The following RASGEF1A variants were observed in gnomAD, a reference collection of about 807,000 sequenced individuals.
RASGEF1A encodes RasGEF domain family member 1A, also known as ras-GEF domain-containing family member 1A.
In RASGEF1A, 18 loss-of-function variants were observed where a neutral mutation model predicts 56.4. That is an observed-to-expected ratio of 0.32 (90% confidence interval 0.22 to 0.47). The LOEUF is 0.47. Among genes scored for constraint, RASGEF1A ranks in the 20% least tolerant of loss-of-function variants. The probability of loss-of-function intolerance (pLI) is 1.00; values close to 1 mark genes in which losing one functional copy is unlikely to be tolerated. For missense variants in RASGEF1A, 422 were observed against 627.1 expected (o/e 0.67, Z 3.49); for synonymous variants, 245 against 242.6 (o/e 1.01, Z -0.09).
intron 1 of RASGEF1A, among the ~76,000 whole-genome samples, chr10:43,224,669 G>A (rs1385051511): frequency 1.3e-5 from 2 of 152,128 alleles, no homozygotes; most frequent in Non-Finnish European, 2.9e-5. Context: ...AACATGAAAA[G>A]CCTCCTCATT....
chr10:43,264,250 G>A (rs900190704), intron 1 of RASGEF1A, among the ~76,000 whole-genome samples: 1 of 151,656 alleles, frequency 6.6e-6, no homozygotes, highest in Non-Finnish European at 1.5e-5. Flanking sequence ...CCGGCCCAGA[G>A]CCCACTCTCA....
chr10:43,229,699 A>G, intron 1 of RASGEF1A: 1 of 1,433,130 alleles, frequency 7.0e-7, no homozygotes, highest in South Asian at 1.4e-5. Context: ...TCCGGCGTCC[A>G]GCGAGCGGCG....
Position 43,199,083 on chromosome 10 carries a change from G to C in RASGEF1A, c.952+9C>G, listed in dbSNP as rs753867128. On this transcript the variant is annotated intron_variant, in intron 8 of 12. Transcript: ENST00000395810. Reference sequence around the variant, plus strand: ...GCAGCAGCCCCACCCTGGGTGCCCAGTCACTCACAGATGATGGCCATCATG... The same window carrying C: ...GCAGCAGCCCCACCCTGGGTGCCCACTCACTCACAGATGATGGCCATCATG... 10 of 1,613,270 alleles carry C rather than the reference G, an allele frequency of 6.2e-6. No individual in the cohort carries two copies. The Admixed American group carries it at 1.0e-4, about 16-fold the overall frequency.
chr10:43,228,258 C>T (rs117675016), intron 1 of RASGEF1A, among the ~76,000 whole-genome samples: 282 of 152,348 alleles, frequency 1.9e-3, no homozygotes, highest in Admixed American at 5.8e-3. Context: ...TAGCTCCCTC[C>T]CTCCCCTCCT....
chr10:43,203,416 G>A lies in RASGEF1A; in HGVS notation c.203C>T (p.Thr68Met). ...GCTCAGGAGAAAGGTGAAGATGTAC[G>A]TCCTCTGAAGGCAGGAGACGGAGAG... ...VPTVDYYPDR[T>M]YIFTFLLSSR... The change falls in exon 3 of 13, where the codon ACG (threonine) becomes ATG (methionine). Residue 68 changes from threonine to methionine, a missense_variant. Around this residue, in one of 2 missense-constraint regions of RASGEF1A, gnomAD observed 273 missense variants for 339.9 expected, o/e 0.80. Transcript: ENST00000395810. 1 of 1,558,714 alleles carries A rather than the reference G, an allele frequency of 6.4e-7. No homozygotes were observed. Among genetic ancestry groups the A allele is most frequent in the Non-Finnish European group, 8.7e-7 (1 of 1,149,244 alleles).
chr10:43,205,828 C>CCA (rs1839986204), intron 2 of RASGEF1A, 91 bp downstream of exon 2: 2 of 1,091,984 alleles, frequency 1.8e-6, no homozygotes, highest in Non-Finnish European at 2.7e-6. Context: ...TCCAGCTCTA[C>CCA]CACTCTGTGG....
rs950717385 is a variant in RASGEF1A at position 43,206,058 on chromosome 10, A to C, written c.59T>G (p.Val20Gly). 1.1e-5 allele frequency: 18 copies of C among 1,607,324 alleles called. No individual in the cohort carries two copies. The highest frequency in any genetic ancestry group is 1.5e-5 in the Non-Finnish European group (18 of 1,177,466). ...TCCACGCTCCCCCATGCCAGGCTGCACCTGTCCGCTACAGCTGGGCCCAAG... is the reference window on the plus strand; with the variant it reads ...TCCACGCTCCCCCATGCCAGGCTGCCCCTGTCCGCTACAGCTGGGCCCAAG... ...SILGPSCSGQ[V>G]QPGMGERGGG... Residue 20 changes from valine to glycine, a missense_variant, in exon 2 of 13, where the codon GTG (valine) becomes GGG (glycine). Coordinates refer to ENST00000395810, the MANE Select transcript of RASGEF1A (RefSeq NM_145313.4).
intron 2 of RASGEF1A, among the ~76,000 whole-genome samples, chr10:43,204,946 C>T (rs1367401360): frequency 1.3e-5 from 2 of 152,230 alleles, no homozygotes; most frequent in African/African-American, 2.4e-5. Flanking sequence ...ATCTCCAGCC[C>T]CAGCCAAACC....
rs527443625 is a variant in RASGEF1A, at chr10:43,245,872, G to A, written c.-7+20973C>T. On this transcript the variant is annotated intron_variant, in intron 1 of 12. Transcript: ENST00000395810. ...AAACAAAACAAATATGTCTGCTCTT[G>A]CCTCTTCTATTTAACATTGCTCTGG... Among the ~76,000 whole-genome samples, 16 of 152,242 alleles carry A rather than the reference G, an allele frequency of 1.1e-4. No homozygotes were observed. In the East Asian group the frequency reaches 2.7e-3, roughly 26 times the overall value.
intron 1 of RASGEF1A, among the ~76,000 whole-genome samples, chr10:43,247,702 G>T (rs1456187966): frequency 6.6e-6 from 1 of 152,188 alleles, no homozygotes; most frequent in Non-Finnish European, 1.5e-5. Flanking sequence ...AATTCATAGA[G>T]TCATAAAATA....
chr10:43,203,794 C>T, intron 2 of RASGEF1A: 1 of 1,032,780 alleles, frequency 9.7e-7, no homozygotes, highest in Non-Finnish European at 1.2e-6. Context: ...TGTTTCAGAT[C>T]CTCGTGGGCC....
chr10:43,242,420 T>G (rs1024520538), intron 1 of RASGEF1A, among the ~76,000 whole-genome samples: 1 of 152,158 alleles, frequency 6.6e-6, no homozygotes, highest in Non-Finnish European at 1.5e-5. Flanking sequence ...CAAAAATAGT[T>G]GGGGAATTCA....
At chr10:43,212,008 TGCCCAGTG>T (rs1840075526) in intron 1 of RASGEF1A, among the ~76,000 whole-genome samples, 1 of 152,188 alleles carries the variant, frequency 6.6e-6, no homozygotes, top group Non-Finnish European at 1.5e-5. Flanking sequence ...GCCTCAATGG[TGCCCAGTG>T]GCCCAGTGCT....
At chr10:43,231,443 C>G (rs143039919) in intron 1 of RASGEF1A, among the ~76,000 whole-genome samples, 4 of 152,228 alleles carry the variant, frequency 2.6e-5, no homozygotes, top group Admixed American at 6.5e-5. Flanking sequence ...GGCCCTGCTG[C>G]CTCCTGACCC....
At chr10:43,202,681 T>C (rs1198297201) in intron 3 of RASGEF1A, 1 of 315,358 alleles carries the variant, frequency 3.2e-6, no homozygotes, top group East Asian at 1.2e-4. Flanking sequence ...ACTCTGCAGC[T>C]TTCTTCGCCC....
chr10:43,206,568 GT>G (rs1316500744), intron 1 of RASGEF1A: 1 of 1,001,900 alleles, frequency 1.0e-6, no homozygotes, highest in Non-Finnish European at 1.2e-6. Flanking sequence ...ACCCAGAGAT[GT>G]GTGCAGCGGG....
chr10:43,227,247 G>GCCA (rs1840291835), intron 1 of RASGEF1A, among the ~76,000 whole-genome samples: 1 of 152,128 alleles, frequency 6.6e-6, no homozygotes, highest in African/African-American at 2.4e-5. Context: ...TCCCACCAAT[G>GCCA]CCAGTGTGAG....
At chr10:43,197,237 C>T (rs892394318) in intron 10 of RASGEF1A, 138 bp from the exon 11 acceptor site, 6 of 1,022,726 alleles carry the variant, frequency 5.9e-6, no homozygotes, top group Non-Finnish European at 8.6e-6. Context: ...TGGCCCTGCA[C>T]GCTGACCCCG....
intron 1 of RASGEF1A, among the ~76,000 whole-genome samples, chr10:43,244,597 G>C (rs1840549748): frequency 6.7e-6 from 1 of 149,282 alleles, no homozygotes; most frequent in Non-Finnish European, 1.5e-5. Context: ...ATTATACAAA[G>C]TATGTTCTGT....
Sources: gnomAD v4.1 joint callset for allele counts (sites outside exome capture counted in the v4.1 genomes callset) on GRCh38, gnomAD v4.1.1 for gene constraint, gnomAD v4.1.1 regional missense constraint, MANE v1.5 for transcripts, NCBI Gene and HGNC (gene_info 2026-07-23, HGNC 2026-07-21) for gene names.